SLC4A4: variants seen among roughly 807,000 people sequenced by gnomAD.
The protein encoded by SLC4A4 is electrogenic sodium bicarbonate cotransporter 1.
A neutral mutation model predicts 111.5 loss-of-function variants in SLC4A4; 27 were observed. That is an observed-to-expected ratio of 0.24 (90% CI 0.18 to 0.33). The LOEUF is 0.33. Ranked by LOEUF, SLC4A4 falls within the 10% of genes least tolerant of loss-of-function variation. The pLI is 1.00. For missense variants in SLC4A4, 909 were observed against 1,315.5 expected, an observed-to-expected ratio of 0.69 and a Z score of 4.78; for synonymous variants, 443 against 463.4, an observed-to-expected ratio of 0.96 and a Z score of 0.57.
intron 17 of SLC4A4, among the ~76,000 whole-genome samples, chr4:71,533,780 C>G (rs576356904): frequency 6.6e-6 from 1 of 152,122 alleles, no homozygotes; most frequent in African/African-American, 2.4e-5. Context: ...TGCTAAAACC[C>G]ATGAACAAAA....
At chr4:71,502,111 G>A (rs1447660803) in intron 16 of SLC4A4, among the ~76,000 whole-genome samples, 1 of 152,102 alleles carries the variant, frequency 6.6e-6, no homozygotes, top group Non-Finnish European at 1.5e-5. Flanking sequence ...ACAGGCGCTT[G>A]CCACCGCGCC....
chr4:71,506,155 A>G (rs746511277), intron 16 of SLC4A4, among the ~76,000 whole-genome samples: 2 of 152,020 alleles, frequency 1.3e-5, no homozygotes, highest in Non-Finnish European at 2.9e-5. Flanking sequence ...TTAGGATTGC[A>G]TTGGCTATTT....
chr4:71,157,373 G>A (rs1198460766), intron 2 of SLC4A4, among the ~76,000 whole-genome samples: 1 of 151,940 alleles, frequency 6.6e-6, no homozygotes, highest in Non-Finnish European at 1.5e-5. Flanking sequence ...ATATTAATGT[G>A]CTTGTAATAA....
chr4:71,145,131 G>A (rs370655622), intron 2 of SLC4A4, among the ~76,000 whole-genome samples: 1 of 152,022 alleles, frequency 6.6e-6, no homozygotes, highest in Non-Finnish European at 1.5e-5. Flanking sequence ...CATCAATACC[G>A]AATTTATTGA....
At chr4:71,549,508 A>G (rs995730706) in intron 20 of SLC4A4, among the ~76,000 whole-genome samples, 4 of 151,910 alleles carry the variant, frequency 2.6e-5, no homozygotes, top group Admixed American at 1.3e-4. Flanking sequence ...AGTGAGGGAT[A>G]AATGGGCAGA....
intron 9 of SLC4A4, among the ~76,000 whole-genome samples, chr4:71,448,174 G>A (rs188605289): frequency 1.2e-3 from 184 of 152,004 alleles, no homozygotes; most frequent in African/African-American, 4.2e-3. Flanking sequence ...AAAAAAATTA[G>A]CCAGGCATGG....
intron 15 of SLC4A4, among the ~76,000 whole-genome samples, chr4:71,494,491 A>AT (rs201219018): frequency 0.015 from 2,256 of 151,624 alleles, 27 homozygotes; most frequent in Non-Finnish European, 0.021. Context: ...TTAAAAAAAA[A>AT]AATAATGGAG....
At chr4:71,140,956 A>T (rs148313497) in intron 2 of SLC4A4, among the ~76,000 whole-genome samples, 176 of 152,356 alleles carry the variant, frequency 1.2e-3, no homozygotes, top group African/African-American at 4.1e-3. Flanking sequence ...GGGATAATTA[A>T]ATTAAGCTAG....
At chr4:71,210,558 AT>A (rs559732664) in intron 1 of SLC4A4, among the ~76,000 whole-genome samples, 3 of 152,152 alleles carry the variant, frequency 2.0e-5, no homozygotes, top group Admixed American at 1.3e-4. Flanking sequence ...ATAACATGTT[AT>A]TTGTGATTTC....
chr4:71,102,866 C>T (rs1304108736), intron 2 of SLC4A4, among the ~76,000 whole-genome samples: 54 of 150,860 alleles, frequency 3.6e-4, no homozygotes, highest in South Asian at 6.4e-4. Flanking sequence ...CATCAACTAA[C>T]GAGCAAAATA....
At chr4:71,379,989 G>A (rs1717951081) in intron 6 of SLC4A4, among the ~76,000 whole-genome samples, 1 of 152,006 alleles carries the variant, frequency 6.6e-6, no homozygotes, top group South Asian at 2.1e-4. Context: ...AATATTTGTT[G>A]ACTAAATGGA....
intron 2 of SLC4A4, among the ~76,000 whole-genome samples, chr4:71,150,008 G>T (rs1251392026): frequency 1.3e-5 from 2 of 151,898 alleles, no homozygotes; most frequent in African/African-American, 4.8e-5. Flanking sequence ...AAGGGTACAC[G>T]ATTAGGTTTT....
At chr4:71,122,115 AG>A (rs1743448745) in intron 2 of SLC4A4, among the ~76,000 whole-genome samples, 1 of 151,998 alleles carries the variant, frequency 6.6e-6, no homozygotes, top group Non-Finnish European at 1.5e-5. Flanking sequence ...ACCATCTTTA[AG>A]AACTGTAACA....
At chr4:71,302,233 G>A (rs1355029116) in intron 3 of SLC4A4, among the ~76,000 whole-genome samples, 1 of 152,116 alleles carries the variant, frequency 6.6e-6, no homozygotes, top group Non-Finnish European at 1.5e-5. Context: ...TGTTTAAGTG[G>A]TAGAGAGAGC....
chr4:71,229,970 C>G (rs187418507), intron 1 of SLC4A4, among the ~76,000 whole-genome samples: 3 of 152,046 alleles, frequency 2.0e-5, no homozygotes, highest in Admixed American at 1.3e-4. Context: ...TCGCCTGGGG[C>G]TTAGAGAATT....
intron 8 of SLC4A4, among the ~76,000 whole-genome samples, chr4:71,442,589 A>G (rs543350493): frequency 6.6e-6 from 1 of 152,268 alleles, no homozygotes; most frequent in East Asian, 1.9e-4. Flanking sequence ...TCCCACAAGG[A>G]ATGTGGTAGG....
chr4:71,448,474 A>G (rs1433815132), intron 9 of SLC4A4, among the ~76,000 whole-genome samples: 2 of 152,166 alleles, frequency 1.3e-5, no homozygotes, highest in Admixed American at 1.3e-4. Context: ...TAAAATGGAT[A>G]ATGCATTTTT....
chr4:71,211,133 T>C (rs996674035), intron 1 of SLC4A4, among the ~76,000 whole-genome samples: 2 of 152,198 alleles, frequency 1.3e-5, no homozygotes, highest in Admixed American at 6.5e-5. Context: ...ACAGGGTGAC[T>C]GCATATACTT....
At chr4:71,334,232 G>A (rs1578859459) in intron 3 of SLC4A4, among the ~76,000 whole-genome samples, 1 of 152,062 alleles carries the variant, frequency 6.6e-6, no homozygotes, top group African/African-American at 2.4e-5. Flanking sequence ...AGCAGGTGAT[G>A]AATCTTGCCA....
Sources: gnomAD v4.1 joint callset for allele counts (sites outside exome capture counted in the v4.1 genomes callset) on GRCh38, gnomAD v4.1.1 for gene constraint, MANE v1.5 for transcripts, NCBI Gene and HGNC (gene_info 2026-07-23, HGNC 2026-07-21) for gene names.